The following C10orf143 variants were observed in gnomAD, a reference collection of about 807,000 sequenced individuals.
The protein encoded by C10orf143 is chromosome 10 open reading frame 143.
intron 1 of C10orf143, among the ~76,000 whole-genome samples, chr10:130,102,417 C>A (rs1448884931): frequency 6.6e-6 from 1 of 151,994 alleles, no homozygotes; most frequent in Admixed American, 6.6e-5. Flanking sequence ...GGATTATAGG[C>A]GCCTGCCACC....
At chr10:130,062,971 A>G (rs1183344), downstream of C10orf143, among the ~76,000 whole-genome samples, 141,338 of 152,120 alleles carry the variant, frequency 0.93, 65,703 homozygotes, top group Admixed American at 0.95. Context: ...CCCCAAGGGC[A>G]ACCTCCCCAC....
At position 130,065,556 on chromosome 10, in the gene C10orf143, A is replaced by T. The variant is rs1285309976; in HGVS notation, c.298-1173T>A. 6.6e-6 allele frequency: 1 copy of T among 152,326 alleles called. No individual in the cohort carries two copies. Among genetic ancestry groups the T allele is most frequent in the Admixed American group, 6.5e-5 (1 of 15,268 alleles). 9.4% of individuals were successfully genotyped at this position (152,326 alleles called of 1,614,324 possible). ...GTCTGGGAGGTCAAGCAACACTGAG[A>T]TTTGAAGGGCCCTGGATGCCATGGT... On this transcript the variant is annotated intron_variant, in intron 3 of 3. Transcript: ENST00000637128. This position sits in a 1 kb window ranked among gnomAD's most constrained non-coding sequence, Gnocchi z 4.2.
At chr10:130,054,310 G>C (rs953816179) in intron 3 of C10orf143, among the ~76,000 whole-genome samples, 6 of 152,166 alleles carry the variant, frequency 3.9e-5, no homozygotes, top group African/African-American at 1.2e-4. Flanking sequence ...CACTTAGCAT[G>C]ATGTCCTCCA....
downstream of C10orf143, among the ~76,000 whole-genome samples, chr10:130,060,557 C>A (rs537003354): frequency 6.6e-6 from 1 of 152,314 alleles, no homozygotes; most frequent in South Asian, 2.1e-4. Flanking sequence ...GGCGCAGTGG[C>A]TCACGCCTGT....
chr10:130,106,475 G>A (rs563291441), intron 1 of C10orf143: 4 of 1,602,278 alleles, frequency 2.5e-6, no homozygotes, highest in Non-Finnish European at 2.6e-6. Flanking sequence ...ACTTGAGCAT[G>A]AAATTCTCTG....
intron 3 of C10orf143, among the ~76,000 whole-genome samples, chr10:130,039,350 AG>A (rs1860580872): frequency 6.6e-6 from 1 of 152,182 alleles, no homozygotes; most frequent in Non-Finnish European, 1.5e-5. Context: ...CCAAGCCCAA[AG>A]GCCTGAGAGC....
chr10:130,080,911 T>C (rs1211094655), intron 1 of C10orf143, among the ~76,000 whole-genome samples: 1 of 152,186 alleles, frequency 6.6e-6, no homozygotes, highest in East Asian at 1.9e-4. Flanking sequence ...GTATAGTTCA[T>C]TATCATATAA....
At chr10:130,096,656 A>T (rs1426363603) in intron 1 of C10orf143, among the ~76,000 whole-genome samples, 1 of 148,326 alleles carries the variant, frequency 6.7e-6, no homozygotes, top group Non-Finnish European at 1.5e-5. Context: ...GAACACATGG[A>T]CACAGGGAGG....
intron 1 of C10orf143, among the ~76,000 whole-genome samples, chr10:130,090,900 G>C (rs1025775068): frequency 2.6e-5 from 4 of 152,214 alleles, no homozygotes; most frequent in African/African-American, 9.6e-5. Flanking sequence ...ATCTCTAAAA[G>C]AAAGGCAGCA....
chr10:130,078,230 C>G (rs1861151434), intron 3 of C10orf143, among the ~76,000 whole-genome samples: 1 of 152,028 alleles, frequency 6.6e-6, no homozygotes, highest in East Asian at 1.9e-4. Flanking sequence ...GCCATTCATG[C>G]CAGAACACAA....
intron 1 of C10orf143, among the ~76,000 whole-genome samples, chr10:130,092,026 C>A (rs1861390496): frequency 6.6e-6 from 1 of 152,164 alleles, no homozygotes; most frequent in Admixed American, 6.5e-5. Flanking sequence ...CCCAACCTAG[C>A]AAGACAGGAC....
chr10:130,106,712 A>G, intron 1 of C10orf143: 1 of 1,251,620 alleles, frequency 8.0e-7, no homozygotes, highest in Non-Finnish European at 1.2e-6. Flanking sequence ...GGAAAGCCAG[A>G]AACAGCTTTT....
intron 3 of C10orf143, among the ~76,000 whole-genome samples, chr10:130,071,093 A>AT (rs1861025452): frequency 6.6e-6 from 1 of 151,944 alleles, no homozygotes; most frequent in Admixed American, 6.6e-5. Flanking sequence ...TGTTTTTTGT[A>AT]TTTTTAGTAG....
chr10:130,080,634 C>A (rs528477933), intron 1 of C10orf143, among the ~76,000 whole-genome samples: 3 of 152,346 alleles, frequency 2.0e-5, no homozygotes, highest in South Asian at 4.1e-4. Flanking sequence ...GGCAGCCAGC[C>A]CAAGAGGCCC....
chr10:130,106,595 A>G (rs970289086), intron 1 of C10orf143: 16 of 1,506,740 alleles, frequency 1.1e-5, no homozygotes, highest in Non-Finnish European at 1.5e-5. Flanking sequence ...AGAATCCCTC[A>G]AATCACAAGT....
At chr10:130,076,423 C>A (rs886938433) in intron 3 of C10orf143, among the ~76,000 whole-genome samples, 1 of 152,070 alleles carries the variant, frequency 6.6e-6, no homozygotes, top group African/African-American at 2.4e-5. Context: ...GAGGGGCAGA[C>A]AAAGGAGGTC....
chr10:130,054,847 G>A (rs563345947), intron 3 of C10orf143, among the ~76,000 whole-genome samples: 1 of 152,208 alleles, frequency 6.6e-6, no homozygotes, highest in East Asian at 1.9e-4. Flanking sequence ...AAATGGTATA[G>A]TACTGACATA....
At chr10:130,057,963 G>C (rs1376649168) in intron 3 of C10orf143, among the ~76,000 whole-genome samples, 1 of 152,204 alleles carries the variant, frequency 6.6e-6, no homozygotes, top group Non-Finnish European at 1.5e-5. Flanking sequence ...AAGGTGAGGG[G>C]CTTCCTAGAC....
At chr10:130,035,947 C>T (rs1860540093) in exon 4 of C10orf143, 1 of 152,194 alleles carries the variant, frequency 6.6e-6, no homozygotes, top group Non-Finnish European at 1.5e-5. Flanking sequence ...CTTGCCAATG[C>T]CTGTCTTCTT....
Sources: gnomAD v4.1 joint callset for allele counts (sites outside exome capture counted in the v4.1 genomes callset) on GRCh38, gnomAD v4.1.1 for gene constraint, Gnocchi (gnomAD v3.1) non-coding constraint, MANE v1.5 for transcripts, NCBI Gene and HGNC (gene_info 2026-07-23, HGNC 2026-07-21) for gene names.